PHACTR1: variants seen among roughly 807,000 people sequenced by gnomAD.
PHACTR1 encodes the protein RPEL repeat containing 1.
In PHACTR1, 16 loss-of-function variants were observed where a neutral mutation model predicts 69.2. That is an observed-to-expected ratio of 0.23 (90% CI 0.16 to 0.35). The LOEUF (loss-of-function observed/expected upper bound fraction) is 0.35, where lower values mean the gene tolerates loss of function less well. Ranked by LOEUF, PHACTR1 falls within the 10% of genes least tolerant of loss-of-function variation. The probability of loss-of-function intolerance (pLI) is 1.00; values close to 1 mark genes in which losing one functional copy is unlikely to be tolerated. For synonymous variants in PHACTR1, 312 were observed against 284.5 expected, an observed-to-expected ratio of 1.10 and a Z score of -0.97; for missense variants, 510 against 734.7, an observed-to-expected ratio of 0.69 and a Z score of 3.54.
At chr6:12,913,129 A>T (rs895202654) in intron 4 of PHACTR1, among the ~76,000 whole-genome samples, 3 of 152,230 alleles carry the variant, frequency 2.0e-5, no homozygotes, top group African/African-American at 7.2e-5. Context: ...TAGACATACA[A>T]CCAAAACATT....
chr6:12,803,431 C>G (rs1773936172), intron 4 of PHACTR1, among the ~76,000 whole-genome samples: 1 of 152,090 alleles, frequency 6.6e-6, no homozygotes, highest in Non-Finnish European at 1.5e-5. Flanking sequence ...AAAGAACACT[C>G]TACAGCAGAT....
At chr6:12,725,323 T>C (rs1335897034) in intron 3 of PHACTR1, among the ~76,000 whole-genome samples, 1 of 152,160 alleles carries the variant, frequency 6.6e-6, no homozygotes, top group Non-Finnish European at 1.5e-5. Flanking sequence ...ACTCCATTAG[T>C]TCAAAATCAG....
chr6:13,073,016 T>A (rs1475192263), intron 5 of PHACTR1, among the ~76,000 whole-genome samples: 1 of 152,118 alleles, frequency 6.6e-6, no homozygotes, highest in Non-Finnish European at 1.5e-5. Context: ...TTTAGACTGA[T>A]TTCGTCTTTT....
At chr6:13,083,832 A>G (rs886481862) in intron 5 of PHACTR1, among the ~76,000 whole-genome samples, 3 of 152,148 alleles carry the variant, frequency 2.0e-5, no homozygotes, top group African/African-American at 7.2e-5. Flanking sequence ...TTATCAGCTT[A>G]AGGAGATTTT....
At position 12,900,458 on chromosome 6, in the gene PHACTR1, T is replaced by C. The variant is rs78384001; in HGVS notation, c.250+150668T>C. ...ATTTTAATATTTTATCATGGGAAGCTGAGGTGAGTGGATTGCTTAAGTCCA... is the reference window on the plus strand; with the variant it reads ...ATTTTAATATTTTATCATGGGAAGCCGAGGTGAGTGGATTGCTTAAGTCCA... On this transcript the variant is annotated intron_variant, in intron 4 of 14. Coordinates refer to ENST00000332995, the MANE Select transcript of PHACTR1 (RefSeq NM_030948.6). Among the ~76,000 whole-genome samples the C allele has an allele frequency of 3.4e-3, 520 of 152,302 alleles. 5 individuals carry two copies. In the East Asian group the frequency reaches 0.055, roughly 16 times the overall value.
In PHACTR1 at chr6:13,205,508, C is replaced by T. The variant is rs574606663; in HGVS notation, c.665-307C>T. 6.6e-5 allele frequency among the ~76,000 whole-genome samples: 10 copies of T among 152,344 alleles called. No individual in the cohort carries two copies. The East Asian group carries it at 1.9e-3, about 29-fold the overall frequency. ...TGTCCATGAGCAGAAGAGCTCATCA[C>T]ATGCCTCCTTCCTCCTGCCTCACTA... is the stretch of plus-strand genomic sequence containing the variant. On this transcript the variant is annotated intron_variant, in intron 7 of 14. Transcript: ENST00000332995.
At chr6:12,885,105 A>G (rs952773653) in intron 4 of PHACTR1, among the ~76,000 whole-genome samples, 1 of 152,202 alleles carries the variant, frequency 6.6e-6, no homozygotes, top group African/African-American at 2.4e-5. Flanking sequence ...AGCTGAGGGC[A>G]CCACTGATGC....
chr6:13,100,072 C>T (rs1814902682), intron 5 of PHACTR1, among the ~76,000 whole-genome samples: 1 of 152,200 alleles, frequency 6.6e-6, no homozygotes, highest in Non-Finnish European at 1.5e-5. Flanking sequence ...AAGCCAAATA[C>T]TGTAGAAGAG....
chr6:12,742,986 A>G (rs991184376), intron 3 of PHACTR1, among the ~76,000 whole-genome samples: 1 of 152,206 alleles, frequency 6.6e-6, no homozygotes, highest in Non-Finnish European at 1.5e-5. Context: ...AGTAAACTAA[A>G]TAAGAAGGCT....
intron 5 of PHACTR1, among the ~76,000 whole-genome samples, chr6:13,155,290 A>G (rs1758010350): frequency 6.6e-6 from 1 of 152,178 alleles, no homozygotes; most frequent in African/African-American, 2.4e-5. Flanking sequence ...GACCCTTTCC[A>G]TATAGTATAT....
intron 4 of PHACTR1, among the ~76,000 whole-genome samples, chr6:13,000,198 G>T (rs1015219166): frequency 1.3e-5 from 2 of 152,184 alleles, no homozygotes; most frequent in African/African-American, 4.8e-5. Flanking sequence ...GCATGGTGTT[G>T]TTGAGGAACT....
At chr6:12,832,072 T>C (rs941796941) in intron 4 of PHACTR1, among the ~76,000 whole-genome samples, 2 of 152,054 alleles carry the variant, frequency 1.3e-5, no homozygotes, top group Admixed American at 1.3e-4. Flanking sequence ...TGTGCCAATA[T>C]ACTCCAGCCT....
chr6:13,047,935 T>C (rs1805341240), intron 4 of PHACTR1, among the ~76,000 whole-genome samples: 1 of 152,068 alleles, frequency 6.6e-6, no homozygotes. Context: ...CCAAGAGTAA[T>C]CCCAGGTTGC....
At chr6:13,251,514 T>C (rs1223935588) in intron 10 of PHACTR1, among the ~76,000 whole-genome samples, 1 of 152,076 alleles carries the variant, frequency 6.6e-6, no homozygotes, top group African/African-American at 2.4e-5. Flanking sequence ...TGGCCTCATA[T>C]AGGGGAGGGT....
At chr6:13,260,198 G>C (rs1260964468) in intron 10 of PHACTR1, among the ~76,000 whole-genome samples, 2 of 152,208 alleles carry the variant, frequency 1.3e-5, no homozygotes, top group Admixed American at 1.3e-4. Flanking sequence ...CAACTGAGAA[G>C]ATCTTCATGT....
At chr6:13,145,548 T>C (rs1180846032) in intron 5 of PHACTR1, among the ~76,000 whole-genome samples, 1 of 152,188 alleles carries the variant, frequency 6.6e-6, no homozygotes, top group Non-Finnish European at 1.5e-5. Flanking sequence ...CAAATTCATA[T>C]GTTGGAGCCC....
At chr6:12,911,502 G>A (rs1287211622) in intron 4 of PHACTR1, among the ~76,000 whole-genome samples, 9 of 152,136 alleles carry the variant, frequency 5.9e-5, no homozygotes, top group Non-Finnish European at 1.2e-4. Flanking sequence ...CAGAGAGCTG[G>A]TAAGTAAAAA....
intron 4 of PHACTR1, among the ~76,000 whole-genome samples, chr6:12,854,057 G>C (rs903824107): frequency 2.0e-5 from 3 of 152,190 alleles, no homozygotes; most frequent in African/African-American, 7.2e-5. Flanking sequence ...AACCCCAGGT[G>C]ACTGGGTTAT....
intron 4 of PHACTR1, among the ~76,000 whole-genome samples, chr6:12,799,095 A>G (rs1773418649): frequency 6.6e-6 from 1 of 152,220 alleles, no homozygotes; most frequent in East Asian, 1.9e-4. Context: ...TCTAAATGTC[A>G]TATTCTACCT....
Sources: gnomAD v4.1 joint callset for allele counts (sites outside exome capture counted in the v4.1 genomes callset) on GRCh38, gnomAD v4.1.1 for gene constraint, MANE v1.5 for transcripts, NCBI Gene and HGNC (gene_info 2026-07-23, HGNC 2026-07-21) for gene names.